Variants in KCNMA1 observed in about 807,000 individuals in gnomAD.
The protein encoded by KCNMA1 is Calcium-activated potassium channel subunit alpha-1.
In KCNMA1, 29 loss-of-function variants were observed where a neutral mutation model predicts 140.0. The observed-to-expected ratio is 0.21, with a 90% confidence interval of 0.15 to 0.28. The LOEUF is 0.28. Among genes scored for constraint, KCNMA1 ranks in the 10% least tolerant of loss-of-function variants. KCNMA1 has a pLI of 1.00. For synonymous variants in KCNMA1, 612 were observed against 611.9 expected (o/e 1.00, Z 0.00); for missense variants, 880 against 1,602.2 (o/e 0.55, Z 7.70).
rs1385530376 is a variant in KCNMA1 at position 77,499,420 on chromosome 10, T to TAC, written c.379-95398_379-95397insGT. On this transcript the variant is annotated intron_variant, in intron 1 of 27. Coordinates refer to ENST00000286628, the MANE Select transcript of KCNMA1 (RefSeq NM_001161352.2). ...GTAGGCATGTATATATATATATATA[T>TAC]ATACACACACACACATACACACACA... Among the ~76,000 whole-genome samples the TAC allele has an allele frequency of 8.4e-5, 12 of 142,798 alleles. 1 individual carries two copies. The highest frequency in any genetic ancestry group is 7.6e-4 in the Admixed American group (11 of 14,408). 93.7% of individuals were successfully genotyped at this position (142,798 alleles called of 152,430 possible). A position where few individuals can be genotyped will look rare whatever the true frequency, so the allele number is the denominator to read the frequency against.
At chr10:77,484,737 A>G (rs2098441966) in intron 1 of KCNMA1, among the ~76,000 whole-genome samples, 1 of 152,244 alleles carries the variant, frequency 6.6e-6, no homozygotes, top group South Asian at 2.1e-4. Flanking sequence ...AGAGTCGCTA[A>G]GTCAGTGGGG....
At chr10:77,637,042 G>C in intron 1 of KCNMA1, 1 of 1,399,142 alleles carries the variant, frequency 7.1e-7, no homozygotes, top group Non-Finnish European at 9.3e-7. Context: ...GAGCGTCCGC[G>C]TCCCGGAGCG....
chr10:77,256,745 A>T (rs1178986304), intron 2 of KCNMA1, among the ~76,000 whole-genome samples: 1 of 152,190 alleles, frequency 6.6e-6, no homozygotes, highest in African/African-American at 2.4e-5. Context: ...CTGAAGGCAG[A>T]GACCCTTCTC....
At chr10:76,976,643 C>T (rs113383522) in intron 19 of KCNMA1, among the ~76,000 whole-genome samples, 1,651 of 152,226 alleles carry the variant, frequency 0.011, 24 homozygotes, top group African/African-American at 0.03. Context: ...ACCAAAGCCC[C>T]CCATATCTAG....
At chr10:76,960,614 T>C (rs1354233203) in intron 20 of KCNMA1, among the ~76,000 whole-genome samples, 1 of 135,760 alleles carries the variant, frequency 7.4e-6, no homozygotes, top group Non-Finnish European at 1.6e-5. Context: ...GATATTATGG[T>C]TTTGTTTTTT....
intron 3 of KCNMA1, among the ~76,000 whole-genome samples, chr10:77,199,665 A>T (rs1200120713): frequency 1.3e-5 from 2 of 152,172 alleles, no homozygotes; most frequent in Non-Finnish European, 2.9e-5. Flanking sequence ...CCTCTGCCTA[A>T]CTTTTGCAGT....
chr10:77,574,260 G>A (rs971928706), intron 1 of KCNMA1, among the ~76,000 whole-genome samples: 3 of 148,544 alleles, frequency 2.0e-5, no homozygotes, highest in East Asian at 3.9e-4. Context: ...CTATGCGTGT[G>A]TATATATATA....
Position 77,318,413 on chromosome 10 carries a change from C to T in KCNMA1, c.541-67157G>A, listed in dbSNP as rs1344299854. 2.6e-5 allele frequency among the ~76,000 whole-genome samples: 4 copies of T among 152,270 alleles called. No homozygotes were observed. In the East Asian group the frequency reaches 7.7e-4, roughly 29 times the overall value. ...TGTTGGATTCTGAAGCTCATGCCGCCATGGACTGTGCTTGTTACGGCTCAC... is the reference window on the plus strand; with the variant it reads ...TGTTGGATTCTGAAGCTCATGCCGCTATGGACTGTGCTTGTTACGGCTCAC... On this transcript the variant is annotated intron_variant, in intron 2 of 27. Transcript: ENST00000286628.
At chr10:77,383,064 C>T (rs1320859244) in intron 2 of KCNMA1, among the ~76,000 whole-genome samples, 3 of 143,934 alleles carry the variant, frequency 2.1e-5, no homozygotes, top group Non-Finnish European at 3.0e-5. Flanking sequence ...AGATTGCTCT[C>T]ACTTGTAACT....
intron 1 of KCNMA1, among the ~76,000 whole-genome samples, chr10:77,457,699 T>C (rs2097783678): frequency 6.6e-6 from 1 of 152,056 alleles, no homozygotes; most frequent in South Asian, 2.1e-4. Flanking sequence ...CTGGGGTCCC[T>C]GGTGGGATCA....
intron 1 of KCNMA1, among the ~76,000 whole-genome samples, chr10:77,460,518 G>A (rs2097846381): frequency 1.3e-5 from 2 of 150,318 alleles, no homozygotes; most frequent in Admixed American, 1.3e-4. Flanking sequence ...TAAAGAAAAT[G>A]TGGTACACAC....
At chr10:77,393,721 C>A (rs1324292495) in intron 2 of KCNMA1, among the ~76,000 whole-genome samples, 1 of 152,222 alleles carries the variant, frequency 6.6e-6, no homozygotes, top group African/African-American at 2.4e-5. Flanking sequence ...TGGGCTCCAC[C>A]CATCCTCCTT....
intron 1 of KCNMA1, among the ~76,000 whole-genome samples, chr10:77,532,590 G>C (rs367912088): frequency 6.8e-4 from 103 of 152,280 alleles, no homozygotes; most frequent in African/African-American, 2.3e-3. Context: ...CCACTCAAAA[G>C]AGAAAACATG....
At chr10:77,374,985 C>A (rs2094982816) in intron 2 of KCNMA1, among the ~76,000 whole-genome samples, 1 of 152,190 alleles carries the variant, frequency 6.6e-6, no homozygotes, top group Admixed American at 6.5e-5. Flanking sequence ...AACTTCCTTG[C>A]CTTTTGGGAA....
At chr10:77,007,966 G>T (rs1344142709) in intron 18 of KCNMA1, among the ~76,000 whole-genome samples, 1 of 152,080 alleles carries the variant, frequency 6.6e-6, no homozygotes, top group East Asian at 1.9e-4. Flanking sequence ...TGGGGTGGAT[G>T]GATGGAGAGC....
At chr10:77,215,872 C>A (rs76740364) in intron 3 of KCNMA1, among the ~76,000 whole-genome samples, 9 of 151,134 alleles carry the variant, frequency 6.0e-5, no homozygotes, top group African/African-American at 1.7e-4. Flanking sequence ...CCCCTCCCCC[C>A]CACCTGTCTC....
chr10:77,007,653 G>GTGTGTGTATATATATGTATATATATATA, intron 18 of KCNMA1, among the ~76,000 whole-genome samples: 1 of 88,482 alleles, frequency 1.1e-5, no homozygotes, highest in Non-Finnish European at 2.3e-5. Flanking sequence ...TTGTGTGTGT[G>GTGTGTGTATATATATGTATATATATATA]TATATATATA....
chr10:77,537,720 T>C (rs816855), intron 1 of KCNMA1, among the ~76,000 whole-genome samples: 13,115 of 151,966 alleles, frequency 0.086, 705 homozygotes, highest in Admixed American at 0.14. Context: ...AATCTATTAT[T>C]GTGACTATAA....
At chr10:77,109,642 A>T (rs765345301) in intron 8 of KCNMA1, among the ~76,000 whole-genome samples, 3 of 152,188 alleles carry the variant, frequency 2.0e-5, no homozygotes, top group Non-Finnish European at 4.4e-5. Context: ...CTCTGCTCAC[A>T]TGGGGATGTC....
Sources: allele counts gnomAD v4.1 joint callset (sites outside exome capture counted in the v4.1 genomes callset), GRCh38; gene constraint gnomAD v4.1.1; transcripts MANE v1.5; gene names NCBI Gene and HGNC (gene_info 2026-07-23, HGNC 2026-07-21).